The following MCM9 variants were observed in gnomAD, a reference collection of about 807,000 sequenced individuals.
The protein encoded by MCM9 is DNA helicase MCM9.
A neutral mutation model predicts 72.8 loss-of-function variants in MCM9; 55 were observed. That is an observed-to-expected ratio of 0.76 (90% CI 0.61 to 0.95). The LOEUF (loss-of-function observed/expected upper bound fraction) is 0.95. MCM9 is among the 40% of genes least tolerant of loss of function. The pLI is 0.00. For synonymous variants in MCM9, 480 were observed against 503.4 expected (o/e 0.95, Z 0.62); for missense variants, 1,279 against 1,377.0 (o/e 0.93, Z 1.13).
chr6:118,866,496 A>C (rs532070106), intron 8 of MCM9, among the ~76,000 whole-genome samples: 1 of 152,348 alleles, frequency 6.6e-6, no homozygotes, highest in South Asian at 2.1e-4. Context: ...GAGAAAGCAT[A>C]AAATTATCAA....
intron 11 of MCM9, 139 bp from the exon 12 acceptor site, chr6:118,827,003 G>A: frequency 1.4e-6 from 1 of 690,342 alleles, no homozygotes. Flanking sequence ...AAGCACAAAA[G>A]TCAACATTCA....
intron 9 of MCM9, among the ~76,000 whole-genome samples, chr6:118,853,036 A>G (rs544388626): frequency 6.6e-6 from 1 of 152,324 alleles, no homozygotes; most frequent in South Asian, 2.1e-4. Flanking sequence ...AGATTTACCT[A>G]TCCATTTATC....
At chr6:118,900,835 T>C in intron 8 of MCM9, 1 of 1,613,824 alleles carries the variant, frequency 6.2e-7, no homozygotes, top group Admixed American at 1.7e-5. Flanking sequence ...TTAGACTCTG[T>C]TTTAGTGGGT....
chr6:118,893,953 C>CACGCCCCCT (rs1280464378), intron 8 of MCM9: 22 of 948,828 alleles, frequency 2.3e-5, no homozygotes, highest in African/African-American at 1.6e-4. Flanking sequence ...CCGCCGCGGC[C>CACGCCCCCT]ACGCCCCCTC....
chr6:118,842,800 T>G (rs1381506083), intron 9 of MCM9, among the ~76,000 whole-genome samples: 3 of 152,168 alleles, frequency 2.0e-5, no homozygotes, highest in African/African-American at 7.2e-5. Flanking sequence ...ATTACAAGTG[T>G]GAGCCACCAC....
At chr6:118,880,581 T>G (rs1023590492) in intron 8 of MCM9, among the ~76,000 whole-genome samples, 3 of 152,338 alleles carry the variant, frequency 2.0e-5, no homozygotes, top group African/African-American at 4.8e-5. Flanking sequence ...TTTTGTTAAT[T>G]CCTTGAATGC....
At position 118,829,065 on chromosome 6, in the gene MCM9, A is replaced by C; in HGVS notation, c.1511T>G (p.Phe504Cys). 1 of 1,550,642 alleles carries C rather than the reference A, an allele frequency of 6.4e-7. No individual in the cohort carries two copies. The highest frequency in any genetic ancestry group is 8.7e-7 in the Non-Finnish European group (1 of 1,146,992). ...TCACGTACCTTTATTTTCTAAGATA[A>C]AGGAGGAAATGATACGATCCCAGTC... ...NEDWDRIISS[F>C]ILENKGYPSK... The change falls in exon 10 of 14, where the codon TTT becomes TGT. Residue 504 changes from phenylalanine (F) to cysteine (C), a missense_variant. Coordinates refer to ENST00000619706, the MANE Select transcript of MCM9 (RefSeq NM_017696.3).
chr6:118,853,053 T>C (rs1429954969), intron 9 of MCM9, among the ~76,000 whole-genome samples: 2 of 152,210 alleles, frequency 1.3e-5, no homozygotes, highest in African/African-American at 4.8e-5. Context: ...TATCAGTCGA[T>C]AAACTTCTGG....
chr6:118,914,666 G>C (rs1011372796), intron 6 of MCM9, among the ~76,000 whole-genome samples: 1 of 152,174 alleles, frequency 6.6e-6, no homozygotes, highest in African/African-American at 2.4e-5. Context: ...ATTGTGACCA[G>C]AATCTAGTGA....
At chr6:118,923,616 C>A (rs1562439713) in intron 4 of MCM9, among the ~76,000 whole-genome samples, 195 bp downstream of exon 4, 3 of 152,094 alleles carry the variant, frequency 2.0e-5, no homozygotes, top group Non-Finnish European at 2.9e-5. Flanking sequence ...TGTCAATGTT[C>A]CACCTAAAAA....
Position 118,824,833 on chromosome 6 carries a change from T to C in MCM9, c.1961+1314A>G, listed in dbSNP as rs9372515. The stretch of plus-strand genomic sequence containing the variant: ...GTGCCTTGGAGGTAATTCACTTTCA[T>C]TTGCATAGTACCTGGTTTTGTTGCT... On this transcript the variant is annotated intron_variant, in intron 13 of 13. Coordinates refer to ENST00000619706, the MANE Select transcript of MCM9 (RefSeq NM_017696.3). 8.4e-3 allele frequency among the ~76,000 whole-genome samples: 1,275 copies of C among 152,302 alleles called. 20 individuals are homozygous for C. The highest frequency in any genetic ancestry group is 0.048 in the East Asian group (250 of 5,180).
In MCM9 at chr6:118,814,688, C is replaced by G. The variant is rs1333740625; in HGVS notation, c.*136G>C. The G allele has an allele frequency of 3.6e-6, 3 of 839,272 alleles. No homozygotes were observed. The highest frequency in any genetic ancestry group is 4.8e-5 in the South Asian group (2 of 41,924). 52.0% of individuals were successfully genotyped at this position (839,272 alleles called of 1,614,324 possible). A position where few individuals can be genotyped will look rare whatever the true frequency, so the allele number is the denominator to read the frequency against. ...GAAGATTAACCTGAAATTAGAAAGC[C>G]TTAAGGGGGAGCCAGTATTCAGAGT... is the stretch of plus-strand genomic sequence containing the variant. On this transcript the variant is annotated 3_prime_UTR_variant, in exon 14 of 14. Transcript: ENST00000619706.
chr6:118,880,634 T>A (rs1215027165), intron 8 of MCM9, among the ~76,000 whole-genome samples: 1 of 152,180 alleles, frequency 6.6e-6, no homozygotes, highest in African/African-American at 2.4e-5. Flanking sequence ...GTCTCTGTCT[T>A]ATGAGAGGCA....
intron 3 of MCM9, 82 bp downstream of exon 3, chr6:118,931,338 T>C: frequency 1.8e-6 from 2 of 1,090,788 alleles, no homozygotes; most frequent in Non-Finnish European, 2.6e-6. Flanking sequence ...ATATCAATTA[T>C]TTCTTAGTGT....
intron 8 of MCM9, chr6:118,907,538 C>T (rs1213766722): frequency 2.5e-6 from 4 of 1,613,664 alleles, no homozygotes; most frequent in Non-Finnish European, 3.4e-6. Flanking sequence ...GATGCATTAC[C>T]TTCAGCATCA....
intron 5 of MCM9, chr6:118,918,372 A>G (rs1299533958): frequency 6.5e-6 from 1 of 152,890 alleles, no homozygotes; most frequent in East Asian, 1.9e-4. Context: ...AAAATATAAA[A>G]GCACAAGATA....
chr6:118,842,031 C>T (rs532926524), intron 9 of MCM9, among the ~76,000 whole-genome samples: 60 of 152,222 alleles, frequency 3.9e-4, no homozygotes, highest in African/African-American at 1.3e-3. Context: ...GATGGGGTTT[C>T]GCCATATTGG....
chr6:118,914,098 C>T (rs1253838534), intron 6 of MCM9, among the ~76,000 whole-genome samples: 3 of 152,182 alleles, frequency 2.0e-5, no homozygotes. Context: ...CAAGTCAATT[C>T]AGCATTTGCT....
chr6:118,816,081 T>A lies in MCM9; in HGVS notation c.2175A>T (p.Ser725=). Residue 725 remains serine (S), a synonymous_variant, in exon 14 of 14, where the codon TCA becomes TCT. Transcript: ENST00000619706. The part of the protein sequence containing the change: ...DPPPHLEPNR[S]TSRKHSAQHK... The stretch of plus-strand genomic sequence containing the variant: ...GCTGAGCTGAATGTTTCCTACTTGT[T>A]GATCTATTAGGCTCCAGATGCGGTG... The A allele has an allele frequency of 6.5e-7, 1 of 1,550,224 alleles. No homozygotes were observed. Among genetic ancestry groups the A allele is most frequent in the Non-Finnish European group, 8.7e-7 (1 of 1,146,714 alleles).
Sources: allele counts gnomAD v4.1 joint callset (sites outside exome capture counted in the v4.1 genomes callset), GRCh38; gene constraint gnomAD v4.1.1; transcripts MANE v1.5; gene names NCBI Gene and HGNC (gene_info 2026-07-23, HGNC 2026-07-21).